Variants in ABCA10 observed in about 807,000 individuals in gnomAD.
ABCA10 encodes the protein ATP-binding cassette sub-family A member 10.
A neutral mutation model predicts 187.5 loss-of-function variants in ABCA10; 169 were observed. That is an observed-to-expected ratio of 0.90 (90% confidence interval 0.80 to 1.02). The LOEUF is 1.02. ABCA10 is among the 50% of genes least tolerant of loss of function. ABCA10 has a pLI of 0.00. For synonymous variants in ABCA10, 574 were observed against 601.8 expected, an observed-to-expected ratio of 0.95 and a Z score of 0.68; for missense variants, 1,727 against 1,812.4, an observed-to-expected ratio of 0.95 and a Z score of 0.86.
intron 1 of ABCA10, among the ~76,000 whole-genome samples, chr17:69,242,053 T>C (rs1213495642): frequency 1.3e-5 from 2 of 152,206 alleles, no homozygotes; most frequent in Non-Finnish European, 2.9e-5. Context: ...TTAGCAGATA[T>C]GATAACACTA....
intron 30 of ABCA10, 85 bp downstream of exon 30, chr17:69,154,934 T>G: frequency 1.1e-6 from 1 of 900,766 alleles, no homozygotes; most frequent in Non-Finnish European, 1.7e-6. Context: ...ACAGTCTCAA[T>G]GAATAAAAAT....
intron 6 of ABCA10, among the ~76,000 whole-genome samples, chr17:69,218,902 T>C (rs1340852081): frequency 1.3e-5 from 2 of 152,232 alleles, no homozygotes; most frequent in African/African-American, 2.4e-5. Context: ...CTCACTGTTA[T>C]GAAAAGCAGC....
intron 9 of ABCA10, among the ~76,000 whole-genome samples, chr17:69,207,690 T>C (rs1403493053): frequency 6.6e-6 from 1 of 152,190 alleles, no homozygotes; most frequent in Non-Finnish European, 1.5e-5. Context: ...CATTTATATG[T>C]AGAATCTAAA....
rs1180243331 is a variant in ABCA10, at chr17:69,153,513, A to C, written c.3999T>G (p.Leu1333=). 6.2e-7 allele frequency: 1 copy of C among 1,614,154 alleles called. No individual in the cohort carries two copies. The highest frequency in any genetic ancestry group is 1.3e-5 in the African/African-American group (1 of 75,036). Reference sequence around the variant, plus strand: ...CTGATAGAGTTTTCACAGGAGCCTTAAGTTGTTCCTGGAGCTTAAGAGCTT... The same window carrying C: ...CTGATAGAGTTTTCACAGGAGCCTTCAGTTGTTCCTGGAGCTTAAGAGCTT... ...LVEALKLQEQ[L]KAPVKTLSEG... Residue 1333 remains leucine, a synonymous_variant, in exon 33 of 39, where the codon CTT becomes CTG. Transcript: ENST00000690296.
In ABCA10 at chr17:69,193,659, A is replaced by C. The variant is rs763973923; in HGVS notation, c.1522-47T>G. The C allele has an allele frequency of 1.2e-5, 18 of 1,560,684 alleles. No individual in the cohort carries two copies. In the Middle Eastern group the frequency reaches 3.1e-3, roughly 267 times the overall value. ...TAACAATATCAAATATTTTACTTTA[A>C]GGAGTTTTTACTCTCTAAAAATGAA... On this transcript the variant is annotated intron_variant, in intron 13 of 38. Transcript: ENST00000690296.
chr17:69,184,806 C>T (rs1450035115), intron 20 of ABCA10, among the ~76,000 whole-genome samples: 7 of 151,456 alleles, frequency 4.6e-5, no homozygotes, highest in Non-Finnish European at 7.4e-5. Flanking sequence ...CCCAAGTGCC[C>T]ATCCATCAAC....
At chr17:69,238,352 G>A (rs2074884708) in intron 1 of ABCA10, among the ~76,000 whole-genome samples, 1 of 151,972 alleles carries the variant, frequency 6.6e-6, no homozygotes, top group African/African-American at 2.4e-5. Context: ...TGTTACAGCA[G>A]CCCTAGAAAA....
At chr17:69,243,119 G>T (rs2074915905) in intron 1 of ABCA10, among the ~76,000 whole-genome samples, 1 of 152,148 alleles carries the variant, frequency 6.6e-6, no homozygotes, top group Non-Finnish European at 1.5e-5. Context: ...TTATCAAAGG[G>T]ATAAATTTTG....
chr17:69,180,105 G>A (rs2074367857), intron 22 of ABCA10, among the ~76,000 whole-genome samples: 1 of 152,078 alleles, frequency 6.6e-6, no homozygotes, highest in South Asian at 2.1e-4. Context: ...TATCTTAGTT[G>A]AATGTTACGT....
intron 36 of ABCA10, 90 bp downstream of exon 36, chr17:69,151,953 T>C: frequency 1.3e-6 from 2 of 1,513,244 alleles, no homozygotes; most frequent in Non-Finnish European, 1.8e-6. Context: ...CACTCTGCCT[T>C]TCTCTTCCGG....
chr17:69,238,052 C>T (rs1206222144), intron 1 of ABCA10, among the ~76,000 whole-genome samples: 2 of 151,838 alleles, frequency 1.3e-5, no homozygotes, highest in African/African-American at 2.4e-5. Context: ...ATCCCAGCTA[C>T]TCGGGAGGCT....
intron 11 of ABCA10, 46 bp downstream of exon 11, chr17:69,197,018 G>GAGGGGGAGGGGA: frequency 7.3e-7 from 1 of 1,369,624 alleles, no homozygotes; most frequent in Non-Finnish European, 1.0e-6. Flanking sequence ...GAGGGAGGGG[G>GAGGGGGAGGGGA]AGGGGGAGAG....
In ABCA10 at chr17:69,194,436, C is replaced by T; in HGVS notation, c.1294G>A (p.Gly432Ser). 1 of 1,613,224 alleles carries T rather than the reference C, an allele frequency of 6.2e-7. No homozygotes were observed. The highest frequency in any genetic ancestry group is 8.5e-7 in the Non-Finnish European group (1 of 1,179,518). The change falls in exon 12 of 39, where the codon GGT (glycine) becomes AGT (serine). Residue 432 changes from glycine to serine, a missense_variant. Coordinates refer to ENST00000690296, the MANE Select transcript of ABCA10 (RefSeq NM_001377321.1). ...ITAILGHNGA[G>S]KSTLLNILSG... ...AGAATGTTTAGCAGTGTTGATTTAC[C>T]AGCTCCATTATGCCCAAGTATTGCA...
intron 30 of ABCA10, among the ~76,000 whole-genome samples, chr17:69,154,668 G>A (rs948782187): frequency 5.9e-5 from 9 of 151,950 alleles, no homozygotes; most frequent in African/African-American, 1.5e-4. Context: ...CAAGCCTCCC[G>A]CCTCAGCCTC....
chr17:69,209,312 T>C (rs2074617462), intron 9 of ABCA10, among the ~76,000 whole-genome samples: 5 of 125,526 alleles, frequency 4.0e-5, no homozygotes, highest in Admixed American at 3.3e-4. Context: ...GAAGAAACTT[T>C]ATCTAATTAG....
In ABCA10 at chr17:69,191,221, T is replaced by C. The variant is rs775357911; in HGVS notation, c.1966A>G (p.Lys656Glu). The change falls in exon 17 of 39, where the codon AAA becomes GAA. Residue 656 changes from lysine to glutamate, a missense_variant. Transcript: ENST00000690296. Reference protein sequence around the residue: ...DAKLTTESEEKLVYSLPLEKT... With the variant: ...DAKLTTESEEELVYSLPLEKT... ...TCCAAAGGCAAACTATATACAAGTTTTTCTTCACTTTCTGTTGTTAACTTG... is the reference window on the plus strand; with the variant it reads ...TCCAAAGGCAAACTATATACAAGTTCTTCTTCACTTTCTGTTGTTAACTTG... 9 of 1,603,262 alleles carry C rather than the reference T, an allele frequency of 5.6e-6. No homozygotes were observed. The highest frequency in any genetic ancestry group is 7.7e-6 in the Non-Finnish European group (9 of 1,174,230).
intron 9 of ABCA10, among the ~76,000 whole-genome samples, chr17:69,211,081 A>C (rs2074644836): frequency 1.3e-5 from 2 of 150,768 alleles, no homozygotes; most frequent in African/African-American, 4.9e-5. Flanking sequence ...GATTCCTTAA[A>C]GAGCTAAAAG....
intron 11 of ABCA10, among the ~76,000 whole-genome samples, chr17:69,196,770 C>T (rs112789642): frequency 2.0e-5 from 3 of 152,114 alleles, no homozygotes; most frequent in Admixed American, 1.3e-4. Context: ...CAGCACCTCG[C>T]GAGGCTGAGG....
At chr17:69,231,237 G>T (rs1011500462), upstream of ABCA10, among the ~76,000 whole-genome samples, 1 of 152,024 alleles carries the variant, frequency 6.6e-6, no homozygotes, top group Admixed American at 6.6e-5. Context: ...TTGTCATTAC[G>T]TGGCATTCTC....
Sources: gnomAD v4.1 joint callset for allele counts (sites outside exome capture counted in the v4.1 genomes callset) on GRCh38, gnomAD v4.1.1 for gene constraint, MANE v1.5 for transcripts, NCBI Gene and HGNC (gene_info 2026-07-23, HGNC 2026-07-21) for gene names.